Variants in TRIP12 observed in about 807,000 individuals in gnomAD.
The protein encoded by TRIP12 is thyroid hormone receptor interactor 12.
Under a neutral mutation model 244.2 loss-of-function variants are expected in TRIP12, and 25 were observed. The observed-to-expected ratio is 0.10, with a 90% CI of 0.07 to 0.14. The LOEUF is 0.14. Ranked by LOEUF, TRIP12 falls within the 10% of genes least tolerant of loss-of-function variation. The pLI is 1.00. For synonymous variants in TRIP12, 905 were observed against 873.1 expected (o/e 1.04, Z -0.64); for missense variants, 1,677 against 2,486.4 (o/e 0.67, Z 6.92).
At chr2:229,828,724 G>A (rs1575600369) in intron 8 of TRIP12, among the ~76,000 whole-genome samples, 1 of 151,970 alleles carries the variant, frequency 6.6e-6, no homozygotes, top group African/African-American at 2.4e-5. Flanking sequence ...CTGAGATCAC[G>A]CCACTGCACT....
chr2:229,804,276 C>T, intron 18 of TRIP12, 49 bp from the exon 19 acceptor site: 2 of 1,452,768 alleles, frequency 1.4e-6, no homozygotes, highest in Non-Finnish European at 1.9e-6. Context: ...TGACAGACTT[C>T]AGAAACACAA....
At chr2:229,880,380 G>A (rs944725991) in intron 1 of TRIP12, among the ~76,000 whole-genome samples, 9 of 152,114 alleles carry the variant, frequency 5.9e-5, no homozygotes, top group Admixed American at 3.9e-4. Flanking sequence ...TAGATTTCAC[G>A]GAATAGCCAG....
intron 6 of TRIP12, among the ~76,000 whole-genome samples, chr2:229,834,790 G>C: frequency 6.6e-6 from 1 of 152,022 alleles, no homozygotes; most frequent in East Asian, 1.9e-4. Flanking sequence ...ATGCACAGGA[G>C]TCTGCCTCTG....
chr2:229,833,124 TTAAA>T (rs2053876665), intron 6 of TRIP12, among the ~76,000 whole-genome samples: 1 of 152,232 alleles, frequency 6.6e-6, no homozygotes, highest in South Asian at 2.1e-4. Flanking sequence ...ACATTACTTC[TTAAA>T]TATTTTATTC....
At chr2:229,833,184 C>T (rs1008705178) in intron 6 of TRIP12, among the ~76,000 whole-genome samples, 1 of 152,196 alleles carries the variant, frequency 6.6e-6, no homozygotes, top group African/African-American at 2.4e-5. Flanking sequence ...GCCACAAAGA[C>T]ATCAATTAAT....
chr2:229,779,263 C>G (rs1449526212), intron 34 of TRIP12, among the ~76,000 whole-genome samples: 45 of 152,126 alleles, frequency 3.0e-4, no homozygotes, highest in Non-Finnish European at 4.4e-5. Context: ...GGCTACATAT[C>G]TTTCCTTCAG....
At chr2:229,912,384 C>T (rs1290680481) in intron 1 of TRIP12, among the ~76,000 whole-genome samples, 1 of 152,180 alleles carries the variant, frequency 6.6e-6, no homozygotes, top group Non-Finnish European at 1.5e-5. Flanking sequence ...CAGGGATCAA[C>T]AATCATTCAA....
chr2:229,871,504 G>A (rs1018207738), intron 2 of TRIP12, among the ~76,000 whole-genome samples: 4 of 152,222 alleles, frequency 2.6e-5, no homozygotes, highest in Non-Finnish European at 5.9e-5. Flanking sequence ...GTTTACAAGT[G>A]TGTGCCTGCC....
At chr2:229,846,332 CCTGATCAGTCAACATCTATCAACA>C (rs2057575648) in intron 4 of TRIP12, among the ~76,000 whole-genome samples, 1 of 152,150 alleles carries the variant, frequency 6.6e-6, no homozygotes, top group Admixed American at 6.5e-5. Context: ...CAACCACCAC[CCTGATCAGTCAACATCTATCAACA>C]CTGAGGCAAG....
At chr2:229,842,412 T>C (rs964353635) in intron 4 of TRIP12, among the ~76,000 whole-genome samples, 2 of 152,210 alleles carry the variant, frequency 1.3e-5, no homozygotes, top group Non-Finnish European at 2.9e-5. Flanking sequence ...CTAATTAGCA[T>C]CACATTTAAT....
chr2:229,804,716 C>T (rs897505402), intron 18 of TRIP12, among the ~76,000 whole-genome samples: 5 of 152,108 alleles, frequency 3.3e-5, no homozygotes, highest in South Asian at 2.1e-4. Flanking sequence ...TGACAAAGTA[C>T]GGTCTGTAAG....
intron 5 of TRIP12, among the ~76,000 whole-genome samples, chr2:229,840,389 T>TA (rs1197293645): frequency 2.6e-5 from 4 of 151,636 alleles, no homozygotes; most frequent in East Asian, 1.9e-4. Context: ...TTTACTCAAG[T>TA]AAAAAAAAAT....
At position 229,804,044 on chromosome 2, in the gene TRIP12, T is replaced by A. The variant is rs1275745953; in HGVS notation, c.2834A>T (p.Asp945Val). Residue 945 changes from aspartate to valine, a missense_variant, in exon 19 of 42, where the codon GAT becomes GTT. This residue lies in a region of TRIP12 where 572 missense variants were observed against 867.8 expected (regional missense o/e 0.66). Transcript: ENST00000675903. ...RAILRIIYFA[D>V]AELLKDVLKN... The stretch of plus-strand genomic sequence containing the variant: ...CAGAACATCCTTCAGAAGTTCAGCA[T>A]CCGCAAAATAAATTATCCTAAGAAT... 6.2e-7 allele frequency: 1 copy of A among 1,614,060 alleles called. No homozygotes were observed. The highest frequency in any genetic ancestry group is 1.1e-5 in the South Asian group (1 of 91,046).
intron 1 of TRIP12, among the ~76,000 whole-genome samples, chr2:229,912,071 A>G (rs192094111): frequency 1.2e-4 from 18 of 152,362 alleles, no homozygotes; most frequent in African/African-American, 4.3e-4. Flanking sequence ...CAACAGTTGA[A>G]TGTGCTGAGA....
intron 9 of TRIP12, among the ~76,000 whole-genome samples, chr2:229,817,668 G>C (rs2048842977): frequency 6.6e-6 from 1 of 152,072 alleles, no homozygotes; most frequent in Non-Finnish European, 1.5e-5. Flanking sequence ...CAAGAGATTA[G>C]AGCGATTCTC....
At position 229,764,658 on chromosome 2, in the gene TRIP12, CA is replaced by C. The variant is rs1316413916; in HGVS notation, c.*2895del. ...CGCGACAGTCCTCAGTGTGGAAAAT[CA>C]AGAGTTGTGGATCTAATTTCTTGGA... On this transcript the variant is annotated 3_prime_UTR_variant, in exon 42 of 42. Transcript: ENST00000675903. The C allele has an allele frequency of 6.6e-6, 1 of 152,230 alleles. No individual in the cohort carries two copies. Among genetic ancestry groups the C allele is most frequent in the African/African-American group, 2.4e-5 (1 of 41,466 alleles). 9.4% of individuals were successfully genotyped at this position (152,230 alleles called of 1,614,324 possible).
intron 23 of TRIP12, among the ~76,000 whole-genome samples, chr2:229,798,173 G>A (rs1022633293): frequency 2.0e-5 from 3 of 152,098 alleles, no homozygotes; most frequent in African/African-American, 7.2e-5. Context: ...TGTGTTTCCT[G>A]GAGAGCTGAA....
Position 229,771,503 on chromosome 2 carries a change from G to C in TRIP12, c.5808+16C>G. 1.3e-6 allele frequency: 2 copies of C among 1,592,896 alleles called. No homozygotes were observed. The highest frequency in any genetic ancestry group is 1.7e-6 in the Non-Finnish European group (2 of 1,161,174). On this transcript the variant is annotated intron_variant, in intron 39 of 41. Transcript: ENST00000675903. Reference sequence around the variant, plus strand: ...ATTATAGGTATGACCATTTCTTTTAGATATAAGCTACTCACTTCCTCCGGG... The same window carrying C: ...ATTATAGGTATGACCATTTCTTTTACATATAAGCTACTCACTTCCTCCGGG...
At chr2:229,826,947 A>G (rs776663080) in intron 8 of TRIP12, among the ~76,000 whole-genome samples, 10 of 152,302 alleles carry the variant, frequency 6.6e-5, no homozygotes, top group Non-Finnish European at 1.3e-4. Context: ...TGTAAACTGT[A>G]TATTTATGTA....
Sources: gnomAD v4.1 joint callset for allele counts (sites outside exome capture counted in the v4.1 genomes callset) on GRCh38, gnomAD v4.1.1 for gene constraint, gnomAD v4.1.1 regional missense constraint, MANE v1.5 for transcripts, NCBI Gene and HGNC (gene_info 2026-07-23, HGNC 2026-07-21) for gene names.